CDH13: variants seen among roughly 807,000 people sequenced by gnomAD.
CDH13 encodes the protein cadherin-13.
A neutral mutation model predicts 63.8 loss-of-function variants in CDH13; 24 were observed. That is an observed-to-expected ratio of 0.38 (90% CI 0.27 to 0.53). The LOEUF (loss-of-function observed/expected upper bound fraction) is 0.53, where lower values mean the gene tolerates loss of function less well. Among genes scored for constraint, CDH13 ranks in the 20% least tolerant of loss-of-function variants. The pLI, the probability that CDH13 is intolerant of heterozygous loss-of-function variation, is 0.85. For missense variants in CDH13, 1,049 were observed against 903.1 expected, an observed-to-expected ratio of 1.16 and a Z score of -2.07; for synonymous variants, 503 against 355.3, an observed-to-expected ratio of 1.42 and a Z score of -4.67.
intron 5 of CDH13, among the ~76,000 whole-genome samples, chr16:83,318,931 G>C (rs2090163346): frequency 6.6e-6 from 1 of 151,220 alleles, no homozygotes; most frequent in South Asian, 2.1e-4. Context: ...GAGCTCACAG[G>C]AGTAAAAAAC....
At chr16:82,858,764 G>A in intron 2 of CDH13, 1 of 480,212 alleles carries the variant, frequency 2.1e-6, no homozygotes, top group Non-Finnish European at 3.7e-6. Flanking sequence ...ACTGTGCAAA[G>A]GAAATGAAAT....
intron 4 of CDH13, among the ~76,000 whole-genome samples, chr16:83,127,972 C>G (rs74434333): frequency 0.034 from 5,234 of 152,246 alleles, 331 homozygotes; most frequent in African/African-American, 0.12. Flanking sequence ...GACAGGTTTC[C>G]TGGGAGCCCA....
chr16:83,243,634 G>T (rs1904696914), intron 5 of CDH13, among the ~76,000 whole-genome samples: 1 of 152,102 alleles, frequency 6.6e-6, no homozygotes, highest in African/African-American at 2.4e-5. Context: ...TGGCTTCAAA[G>T]GACTCAATCT....
At chr16:83,186,150 ATT>A (rs890351426) in intron 4 of CDH13, among the ~76,000 whole-genome samples, 2 of 134,856 alleles carry the variant, frequency 1.5e-5, no homozygotes, top group African/African-American at 5.8e-5. Flanking sequence ...ATTTTATTTT[ATT>A]TGAGACAGAA....
chr16:83,432,825 T>A (rs982616847), intron 6 of CDH13, among the ~76,000 whole-genome samples: 8 of 152,190 alleles, frequency 5.3e-5, no homozygotes, highest in African/African-American at 1.9e-4. Flanking sequence ...CTAGGAATAT[T>A]TTCCTCGATT....
rs112885157 is a variant in CDH13 at position 83,450,831 on chromosome 16, C to G, written c.782-35646C>G. ...CTTGCCGTGAGCCGAGATGGTGCCA[C>G]TGCACTCCAGCCTGGGAGACAGAGC... On this transcript the variant is annotated intron_variant, in intron 6 of 13. Coordinates refer to ENST00000567109, the MANE Select transcript of CDH13 (RefSeq NM_001257.5). 4.5e-3 allele frequency among the ~76,000 whole-genome samples: 684 copies of G among 152,252 alleles called. 2 individuals are homozygous for G. The highest frequency in any genetic ancestry group is 0.016 in the African/African-American group (659 of 41,554).
At chr16:83,404,842 C>T (rs1013727080) in intron 6 of CDH13, among the ~76,000 whole-genome samples, 8 of 152,118 alleles carry the variant, frequency 5.3e-5, no homozygotes, top group Admixed American at 1.3e-4. Flanking sequence ...ATCTGTCGGA[C>T]GCCGTGTATA....
chr16:83,270,265 T>G (rs917443800), intron 5 of CDH13, among the ~76,000 whole-genome samples: 2 of 152,198 alleles, frequency 1.3e-5, no homozygotes, highest in African/African-American at 2.4e-5. Flanking sequence ...GGCCCTGTCA[T>G]GCTGTGTTTG....
rs1465542737 is a variant in CDH13 at position 83,133,153 on chromosome 16, A to G, written c.483+7652A>G. Among the ~76,000 whole-genome samples, 3 of 152,200 alleles carry G rather than the reference A, an allele frequency of 2.0e-5. No individual in the cohort carries two copies. In the South Asian group the frequency reaches 6.2e-4, roughly 31 times the overall value. Reference sequence around the variant, plus strand: ...GGCTCAAAAAGTAACACTTCATTCCATTATTGGGACAACTTGGCAGTTGAA... The same window carrying G: ...GGCTCAAAAAGTAACACTTCATTCCGTTATTGGGACAACTTGGCAGTTGAA... On this transcript the variant is annotated intron_variant, in intron 4 of 13. Coordinates refer to ENST00000567109, the MANE Select transcript of CDH13 (RefSeq NM_001257.5).
At chr16:83,050,796 C>A (rs1226326842) in intron 3 of CDH13, among the ~76,000 whole-genome samples, 1 of 152,076 alleles carries the variant, frequency 6.6e-6, no homozygotes, top group East Asian at 1.9e-4. Context: ...ACACCTGTAC[C>A]TCATTACCTC....
intron 7 of CDH13, among the ~76,000 whole-genome samples, chr16:83,488,413 G>A (rs2073941587): frequency 6.6e-6 from 1 of 152,116 alleles, no homozygotes; most frequent in African/African-American, 2.4e-5. Flanking sequence ...ATAAAACTAA[G>A]ATCTTACATA....
chr16:82,771,175 C>G (rs1007016170), intron 1 of CDH13, among the ~76,000 whole-genome samples: 57 of 152,190 alleles, frequency 3.7e-4, no homozygotes, highest in African/African-American at 1.3e-3. Context: ...TATCACAAGT[C>G]AGACCCAGAA....
intron 5 of CDH13, among the ~76,000 whole-genome samples, chr16:83,317,082 G>A (rs575433093): frequency 6.6e-6 from 1 of 152,168 alleles, no homozygotes; most frequent in African/African-American, 2.4e-5. Flanking sequence ...TGTTGCTATT[G>A]GTATCCCATG....
At chr16:83,095,960 C>T (rs1013505262) in intron 3 of CDH13, among the ~76,000 whole-genome samples, 1 of 152,142 alleles carries the variant, frequency 6.6e-6, no homozygotes, top group Admixed American at 6.6e-5. Context: ...CACCGGAAGG[C>T]AGAGTTTTTA....
chr16:83,073,647 G>A (rs1283934315), intron 3 of CDH13, among the ~76,000 whole-genome samples: 1 of 151,860 alleles, frequency 6.6e-6, no homozygotes, highest in Non-Finnish European at 1.5e-5. Flanking sequence ...TGAACTTGAC[G>A]AAACAGAGAA....
chr16:83,329,918 A>G (rs2090446050), intron 5 of CDH13, among the ~76,000 whole-genome samples: 1 of 152,194 alleles, frequency 6.6e-6, no homozygotes, highest in Non-Finnish European at 1.5e-5. Context: ...TTGATTATCC[A>G]TTCATCTGCT....
chr16:82,802,849 A>C (rs1347257995), intron 1 of CDH13, among the ~76,000 whole-genome samples: 1 of 152,216 alleles, frequency 6.6e-6, no homozygotes, highest in East Asian at 1.9e-4. Context: ...CTTTTCCAAC[A>C]GTCACAAAGG....
At chr16:83,706,311 T>C (rs1051849213) in intron 10 of CDH13, among the ~76,000 whole-genome samples, 1 of 152,142 alleles carries the variant, frequency 6.6e-6, no homozygotes, top group African/African-American at 2.4e-5. Flanking sequence ...GCCTCAGAAA[T>C]CATACAGTGT....
chr16:82,789,182 C>A (rs918348272), intron 1 of CDH13, among the ~76,000 whole-genome samples: 1 of 152,310 alleles, frequency 6.6e-6, no homozygotes, highest in Middle Eastern at 3.4e-3. Context: ...GGTTGAAGGG[C>A]CATTCTTGGT....
Sources: allele counts gnomAD v4.1 joint callset (sites outside exome capture counted in the v4.1 genomes callset), GRCh38; gene constraint gnomAD v4.1.1; transcripts MANE v1.5; gene names NCBI Gene and HGNC (gene_info 2026-07-23, HGNC 2026-07-21).